Variants in PCDH9 observed in about 807,000 individuals in gnomAD.
PCDH9 encodes the protein protocadherin-9.
Under a neutral mutation model 70.6 loss-of-function variants are expected in PCDH9, and 24 were observed. That is an observed-to-expected ratio of 0.34 (90% confidence interval 0.25 to 0.48). The LOEUF (loss-of-function observed/expected upper bound fraction) is 0.48. Among genes scored for constraint, PCDH9 ranks in the 20% least tolerant of loss-of-function variants. The pLI, the probability that PCDH9 is intolerant of heterozygous loss-of-function variation, is 0.99. For synonymous variants in PCDH9, 562 were observed against 558.5 expected (o/e 1.01, Z -0.09); for missense variants, 1,281 against 1,503.6 (o/e 0.85, Z 2.45).
intron 4 of PCDH9, among the ~76,000 whole-genome samples, chr13:66,527,083 C>G (rs1960248751): frequency 6.6e-6 from 1 of 152,258 alleles, no homozygotes; most frequent in South Asian, 2.1e-4. Flanking sequence ...CAACTAGCAC[C>G]TAACCTCTGC....
intron 2 of PCDH9, among the ~76,000 whole-genome samples, chr13:67,023,868 A>G (rs942167438): frequency 6.6e-6 from 1 of 152,212 alleles, no homozygotes; most frequent in African/African-American, 2.4e-5. Context: ...GTCTATCAGA[A>G]AGAATATAAA....
intron 3 of PCDH9, among the ~76,000 whole-genome samples, chr13:66,675,181 T>A (rs1453406333): frequency 2.0e-5 from 3 of 152,112 alleles, no homozygotes; most frequent in African/African-American, 4.8e-5. Flanking sequence ...TGCAAATTTT[T>A]TTGAGTTTCA....
intron 3 of PCDH9, among the ~76,000 whole-genome samples, chr13:66,761,196 G>A (rs2079621722): frequency 6.6e-6 from 1 of 152,042 alleles, no homozygotes; most frequent in South Asian, 2.1e-4. Flanking sequence ...TGCGGCTTAG[G>A]TGGGCATCAC....
chr13:67,083,666 G>T (rs934173245), intron 2 of PCDH9, among the ~76,000 whole-genome samples: 1 of 152,128 alleles, frequency 6.6e-6, no homozygotes, highest in African/African-American at 2.4e-5. Context: ...GAGCCTTAAG[G>T]CCTCCCTAAA....
At chr13:67,100,339 G>A (rs992657805) in intron 2 of PCDH9, among the ~76,000 whole-genome samples, 5 of 152,084 alleles carry the variant, frequency 3.3e-5, no homozygotes, top group African/African-American at 1.2e-4. Flanking sequence ...TGGTCTTATA[G>A]GGATTATCTA....
At chr13:66,429,559 G>A (rs1026978757) in intron 4 of PCDH9, among the ~76,000 whole-genome samples, 1 of 151,526 alleles carries the variant, frequency 6.6e-6, no homozygotes, top group Non-Finnish European at 1.5e-5. Flanking sequence ...AAAATACTGA[G>A]TTTGAAGAGT....
chr13:66,335,390 A>G (rs1205987958), intron 4 of PCDH9, among the ~76,000 whole-genome samples: 1 of 152,068 alleles, frequency 6.6e-6, no homozygotes, highest in African/African-American at 2.4e-5. Flanking sequence ...GTAGCTTGTT[A>G]GCTTGTTTAG....
intron 2 of PCDH9, among the ~76,000 whole-genome samples, chr13:67,115,415 A>G (rs1174757783): frequency 6.6e-6 from 1 of 152,092 alleles, no homozygotes; most frequent in Non-Finnish European, 1.5e-5. Flanking sequence ...TGTGCAACCC[A>G]CCCAGGAGCA....
intron 3 of PCDH9, among the ~76,000 whole-genome samples, chr13:66,873,297 A>G (rs980210528): frequency 1.3e-5 from 2 of 152,166 alleles, no homozygotes; most frequent in Non-Finnish European, 2.9e-5. Context: ...TTATAGGGGG[A>G]ATGACATTTT....
intron 2 of PCDH9, chr13:67,203,903 T>G (rs1431204495): frequency 6.6e-6 from 1 of 152,034 alleles, no homozygotes; most frequent in Non-Finnish European, 1.5e-5. Context: ...TAGAAAATGT[T>G]GCCATAAATA....
intron 2 of PCDH9, among the ~76,000 whole-genome samples, chr13:67,165,891 T>A (rs1343763133): frequency 3.9e-5 from 6 of 152,224 alleles, no homozygotes; most frequent in African/African-American, 1.2e-4. Context: ...GTATGATTAC[T>A]TCTTAACAGC....
At chr13:66,312,625 A>T (rs1368618895) in intron 4 of PCDH9, among the ~76,000 whole-genome samples, 2 of 152,002 alleles carry the variant, frequency 1.3e-5, no homozygotes, top group African/African-American at 4.8e-5. Context: ...AAAAAAAAAA[A>T]ATTACTCTAG....
At position 66,659,720 on chromosome 13, in the gene PCDH9, C is replaced by G. The variant is rs1041114537; in HGVS notation, c.3139-28309G>C. ...GCTTCTGCCTGCTCAGCCTCCTTCC[C>G]CGATCTCTTAATTCTCTATATCTTC... On this transcript the variant is annotated intron_variant, in intron 3 of 4. Coordinates refer to ENST00000377865, the MANE Select transcript of PCDH9 (RefSeq NM_203487.3). Among the ~76,000 whole-genome samples the G allele has an allele frequency of 2.0e-5, 3 of 151,954 alleles. No homozygotes were observed. The East Asian group carries it at 5.8e-4, about 29-fold the overall frequency.
At chr13:66,847,414 G>GT (rs931242944) in intron 3 of PCDH9, among the ~76,000 whole-genome samples, 3 of 152,120 alleles carry the variant, frequency 2.0e-5, no homozygotes, top group Non-Finnish European at 4.4e-5. Context: ...AACTGCAGGG[G>GT]TTTTTTCTCC....
rs533538433 is a variant in PCDH9, at chr13:67,057,724, GT to G, written c.3037-154120del. On this transcript the variant is annotated intron_variant, in intron 2 of 4. Coordinates refer to ENST00000377865, the MANE Select transcript of PCDH9 (RefSeq NM_203487.3). The stretch of plus-strand genomic sequence containing the variant: ...AATTATTGAATGACTCAGAAATTCT[GT>G]TTTTTTTTCTCTAAAAATAGACATG... Among the ~76,000 whole-genome samples the G allele has an allele frequency of 3.9e-4, 59 of 150,158 alleles. 1 individual carries two copies. The highest frequency in any genetic ancestry group is 3.5e-3 in the East Asian group (18 of 5,108).
At chr13:67,200,912 T>A (rs906702687) in intron 2 of PCDH9, 1 of 152,044 alleles carries the variant, frequency 6.6e-6, no homozygotes, top group Non-Finnish European at 1.5e-5. Context: ...TTTTCACTCA[T>A]CATTTTTTCA....
chr13:66,703,253 C>T (rs2078670047), intron 3 of PCDH9, among the ~76,000 whole-genome samples: 1 of 152,174 alleles, frequency 6.6e-6, no homozygotes, highest in Admixed American at 6.5e-5. Context: ...TTAACACCTA[C>T]ACTTAAGCCA....
intron 2 of PCDH9, among the ~76,000 whole-genome samples, chr13:67,115,243 A>T (rs1434123940): frequency 6.6e-6 from 1 of 152,210 alleles, no homozygotes; most frequent in African/African-American, 2.4e-5. Flanking sequence ...TTGGATTTAT[A>T]ATTTGCATCT....
chr13:66,450,525 A>G (rs927293833), intron 4 of PCDH9, among the ~76,000 whole-genome samples: 3 of 152,182 alleles, frequency 2.0e-5, no homozygotes, highest in Admixed American at 6.5e-5. Flanking sequence ...TACTATTTCA[A>G]TGCAAACAGT....
Sources: gnomAD v4.1 joint callset for allele counts (sites outside exome capture counted in the v4.1 genomes callset) on GRCh38, gnomAD v4.1.1 for gene constraint, MANE v1.5 for transcripts, NCBI Gene and HGNC (gene_info 2026-07-23, HGNC 2026-07-21) for gene names.